ADAMTSL1: variants seen among roughly 807,000 people sequenced by gnomAD.
The protein encoded by ADAMTSL1 is ADAMTS like 1, also known as ADAMTS-like protein 1.
In ADAMTSL1, 126 loss-of-function variants were observed where a neutral mutation model predicts 201.8. The observed-to-expected ratio is 0.62, with a 90% CI of 0.54 to 0.72. The LOEUF (loss-of-function observed/expected upper bound fraction) is 0.72, where lower values mean the gene tolerates loss of function less well. ADAMTSL1 is among the 30% of genes least tolerant of loss of function. ADAMTSL1 has a pLI of 0.00. For missense variants in ADAMTSL1, 2,679 were observed against 2,277.8 expected (o/e 1.18, Z -3.59); for synonymous variants, 1,121 against 903.4 (o/e 1.24, Z -4.32).
chr9:18,826,408 C>T lies in ADAMTSL1; in HGVS notation c.4059C>T (p.Cys1353=). 6.2e-7 allele frequency: 1 copy of T among 1,613,874 alleles called. No individual in the cohort carries two copies. The highest frequency in any genetic ancestry group is 8.5e-7 in the Non-Finnish European group (1 of 1,179,862). ...CCTCGGATCAGGGCCTGTACTCCTG[C>T]AGGGCGGCCAATCTTCATGGAGAGC... ...VSSSDQGLYS[C]RAANLHGELT... is the part of the protein sequence containing the mutation. Residue 1353 remains cysteine, a synonymous_variant, in exon 22 of 29, where the codon TGC becomes TGT. Coordinates refer to ENST00000380548, the MANE Select transcript of ADAMTSL1 (RefSeq NM_001040272.6).
chr9:18,239,099 G>T (rs1336123991), intron 2 of ADAMTSL1, among the ~76,000 whole-genome samples: 1 of 152,144 alleles, frequency 6.6e-6, no homozygotes, highest in Non-Finnish European at 1.5e-5. Flanking sequence ...ATTATCTGAG[G>T]CTTCAGTGAG....
chr9:18,518,962 G>C (rs1818524812), intron 2 of ADAMTSL1, among the ~76,000 whole-genome samples: 1 of 152,110 alleles, frequency 6.6e-6, no homozygotes, highest in African/African-American at 2.4e-5. Flanking sequence ...CTACAGGATG[G>C]TGTCCTAGAA....
At chr9:18,097,349 A>G (rs1487097652) in intron 1 of ADAMTSL1, among the ~76,000 whole-genome samples, 2 of 152,178 alleles carry the variant, frequency 1.3e-5, no homozygotes, top group African/African-American at 4.8e-5. Context: ...GCTATTTCTG[A>G]GATTTTAGCA....
intron 2 of ADAMTSL1, among the ~76,000 whole-genome samples, chr9:18,517,745 G>T (rs1389790310): frequency 6.6e-6 from 1 of 151,998 alleles, no homozygotes; most frequent in Non-Finnish European, 1.5e-5. Flanking sequence ...CATTTTTTAT[G>T]GCTGCATAGT....
chr9:18,205,708 C>T (rs1007811910), intron 2 of ADAMTSL1, among the ~76,000 whole-genome samples: 10 of 152,016 alleles, frequency 6.6e-5, no homozygotes, highest in African/African-American at 2.4e-4. Flanking sequence ...TACTAGTATT[C>T]TCTCCCAAAC....
At chr9:18,907,829 A>G (rs1232474781) in intron 28 of ADAMTSL1, 1 of 156,334 alleles carries the variant, frequency 6.4e-6, no homozygotes, top group African/African-American at 2.4e-5. Flanking sequence ...AATATTTAAG[A>G]CCATCTAGTC....
At chr9:18,708,074 TTC>T (rs1442010210) in intron 14 of ADAMTSL1, among the ~76,000 whole-genome samples, 1 of 152,218 alleles carries the variant, frequency 6.6e-6, no homozygotes, top group East Asian at 1.9e-4. Context: ...CATGTTGAGA[TTC>T]TGTTTTCTCA....
Position 18,856,447 on chromosome 9 carries a change from A to T in ADAMTSL1, c.4249+26470A>T, listed in dbSNP as rs977511528. Among the ~76,000 whole-genome samples, 38 of 149,490 alleles carry T rather than the reference A, an allele frequency of 2.5e-4. 1 individual carries two copies. Among genetic ancestry groups the T allele is most frequent in the Admixed American group, 2.7e-4 (4 of 14,734 alleles). On this transcript the variant is annotated intron_variant, in intron 23 of 28. Coordinates refer to ENST00000380548, the MANE Select transcript of ADAMTSL1 (RefSeq NM_001040272.6). ...AGCAATGATAAACTGGTTGTTGCCA[A>T]ATGATAAGAAGGATTTTTTTTTTTT...
At chr9:18,107,164 G>A (rs1416201508) in intron 1 of ADAMTSL1, among the ~76,000 whole-genome samples, 3 of 152,130 alleles carry the variant, frequency 2.0e-5, no homozygotes, top group Non-Finnish European at 2.9e-5. Context: ...GGTATAGTGG[G>A]CTGCATTAGA....
intron 19 of ADAMTSL1, among the ~76,000 whole-genome samples, chr9:18,784,893 C>T (rs1228979122): frequency 6.6e-6 from 1 of 152,310 alleles, no homozygotes; most frequent in Admixed American, 6.5e-5. Context: ...GGGTGAGGCG[C>T]GGTGGCTCAC....
intron 1 of ADAMTSL1, among the ~76,000 whole-genome samples, chr9:18,150,539 T>C (rs1826862645): frequency 6.6e-6 from 1 of 152,078 alleles, no homozygotes; most frequent in Admixed American, 6.6e-5. Flanking sequence ...TGAAGACTTC[T>C]TTCTAGAAAC....
At chr9:18,323,854 G>T (rs112433665) in intron 2 of ADAMTSL1, among the ~76,000 whole-genome samples, 199 of 152,280 alleles carry the variant, frequency 1.3e-3, no homozygotes, top group African/African-American at 3.6e-3. Context: ...GGAAAGATAT[G>T]CCATGTACGT....
At chr9:18,567,040 C>G (rs191924522) in intron 3 of ADAMTSL1, among the ~76,000 whole-genome samples, 1 of 152,144 alleles carries the variant, frequency 6.6e-6, no homozygotes, top group East Asian at 1.9e-4. Flanking sequence ...GTTTGAAATG[C>G]AAATTATTAA....
At chr9:18,842,746 T>C (rs1825809553) in intron 23 of ADAMTSL1, among the ~76,000 whole-genome samples, 1 of 152,346 alleles carries the variant, frequency 6.6e-6, no homozygotes, top group East Asian at 1.9e-4. Context: ...ATATTTAGGA[T>C]AGTTAGCTCT....
rs1827091268 is a variant in ADAMTSL1 at position 18,636,032 on chromosome 9, T to G, written c.676+15T>G. 2.6e-6 allele frequency: 4 copies of G among 1,560,568 alleles called. No homozygotes were observed. In the African/African-American group the frequency reaches 5.6e-5, roughly 22 times the overall value. On this transcript the variant is annotated intron_variant, in intron 6 of 28. Coordinates refer to ENST00000380548, the MANE Select transcript of ADAMTSL1 (RefSeq NM_001040272.6). ...TGATCACTTATGTAAGTAACTCCAT[T>G]GTTTTCCTTTGGGAATTGGGAATTG...
chr9:18,267,793 A>AAC (rs1250421643), intron 2 of ADAMTSL1, among the ~76,000 whole-genome samples: 16 of 148,158 alleles, frequency 1.1e-4, no homozygotes, highest in African/African-American at 3.5e-4. Flanking sequence ...AAAACAAAAA[A>AAC]ACCTTAATCT....
chr9:18,777,773 G>A lies in ADAMTSL1; in HGVS notation c.3544G>A (p.Val1182Ile). 1 of 1,613,772 alleles carries A rather than the reference G, an allele frequency of 6.2e-7. No individual in the cohort carries two copies. Among genetic ancestry groups the A allele is most frequent in the Non-Finnish European group, 8.5e-7 (1 of 1,179,838 alleles). Residue 1182 changes from valine (V) to isoleucine (I), a missense_variant, in exon 19 of 29, where the codon GTC (valine) becomes ATC (isoleucine). Physicochemically the swap from Val to Ile is conservative, Grantham distance 29. Coordinates refer to ENST00000380548, the MANE Select transcript of ADAMTSL1 (RefSeq NM_001040272.6). ...AAQQLSASEVVTHLGQTVALA... is the reference protein window; with the variant it reads ...AAQQLSASEVITHLGQTVALA... ...CCAGCAGCTCTCAGCCTCGGAGGTG[G>A]TCACCCACCTGGGGCAGACGGTGGC...
At chr9:18,288,220 C>T (rs764610034) in intron 2 of ADAMTSL1, among the ~76,000 whole-genome samples, 1 of 152,118 alleles carries the variant, frequency 6.6e-6, no homozygotes, top group Non-Finnish European at 1.5e-5. Context: ...AGAACGCATA[C>T]ACTGGAAATT....
rs145604887 is a variant in ADAMTSL1 at position 18,349,268 on chromosome 9, G to A, written c.208-155561G>A. ...TGGGTGAACTTGGAAAACAATGAGG[G>A]CATGTTGCAAAGAACAGTAAATTCA... On this transcript the variant is annotated intron_variant, in intron 2 of 29. Coordinates refer to the ADAMTSL1 transcript ENST00000680146. Among the ~76,000 whole-genome samples, 590 of 152,270 alleles carry A rather than the reference G, an allele frequency of 3.9e-3. 11 individuals carry two copies. The highest frequency in any genetic ancestry group is 0.033 in the Admixed American group (505 of 15,286).
Sources: gnomAD v4.1 joint callset for allele counts (sites outside exome capture counted in the v4.1 genomes callset) on GRCh38, gnomAD v4.1.1 for gene constraint, MANE v1.5 for transcripts, NCBI Gene and HGNC (gene_info 2026-07-23, HGNC 2026-07-21) for gene names.